Variants in UGT8 observed in about 807,000 individuals in gnomAD.
The protein encoded by UGT8 is 2-hydroxyacylsphingosine 1-beta-galactosyltransferase.
In UGT8, 12 loss-of-function variants were observed where a neutral mutation model predicts 40.5. The observed-to-expected ratio is 0.30, with a 90% CI of 0.19 to 0.48. The LOEUF (loss-of-function observed/expected upper bound fraction) is 0.48. UGT8 is among the 20% of genes least tolerant of loss of function. UGT8 has a pLI of 0.99. For synonymous variants in UGT8, 224 were observed against 240.4 expected (o/e 0.93, Z 0.63); for missense variants, 513 against 648.7 (o/e 0.79, Z 2.27).
intron 2 of UGT8, among the ~76,000 whole-genome samples, chr4:114,649,516 G>T (rs1733775150): frequency 6.6e-6 from 1 of 152,178 alleles, no homozygotes; most frequent in African/African-American, 2.4e-5. Context: ...CTGAGAATCA[G>T]TAGGGACCCA....
intron 2 of UGT8, among the ~76,000 whole-genome samples, chr4:114,633,246 G>A (rs1415718722): frequency 6.6e-6 from 1 of 152,162 alleles, no homozygotes; most frequent in African/African-American, 2.4e-5. Flanking sequence ...GTTGCTTCTA[G>A]TCTAATAGGG....
At chr4:114,675,711 G>T (rs1735588389) in intron 5 of UGT8, 1 of 218,668 alleles carries the variant, frequency 4.6e-6, no homozygotes, top group African/African-American at 3.3e-5. Flanking sequence ...CTGCACTCCA[G>T]CCTGGGCGAC....
chr4:114,670,274 A>G (rs938562342), intron 5 of UGT8, among the ~76,000 whole-genome samples: 1 of 151,886 alleles, frequency 6.6e-6, no homozygotes, highest in Non-Finnish European at 1.5e-5. Flanking sequence ...TACTAAAAAT[A>G]CAAAAAATTA....
intron 1 of UGT8, among the ~76,000 whole-genome samples, chr4:114,620,625 T>A (rs1407927015): frequency 6.6e-6 from 1 of 152,230 alleles, no homozygotes; most frequent in Non-Finnish European, 1.5e-5. Context: ...ATATTATATG[T>A]TTGTAATGTG....
At chr4:114,658,491 C>T (rs1165404846) in intron 2 of UGT8, among the ~76,000 whole-genome samples, 3 of 152,140 alleles carry the variant, frequency 2.0e-5, no homozygotes, top group African/African-American at 7.2e-5. Context: ...GGAGTGCAAA[C>T]ATGACAGCCT....
At chr4:114,666,619 G>A (rs949341987) in intron 4 of UGT8, among the ~76,000 whole-genome samples, 1 of 152,202 alleles carries the variant, frequency 6.6e-6, no homozygotes, top group African/African-American at 2.4e-5. Context: ...GAAGCAGGAA[G>A]TTTAAGTGAG....
At chr4:114,617,883 G>A (rs76135097) in intron 1 of UGT8, among the ~76,000 whole-genome samples, 3,171 of 152,242 alleles carry the variant, frequency 0.021, 58 homozygotes, top group Non-Finnish European at 0.031. Flanking sequence ...TCCAGCTCCA[G>A]GGATGTGCCA....
At chr4:114,627,065 C>T (rs929979238) in intron 2 of UGT8, among the ~76,000 whole-genome samples, 1 of 152,112 alleles carries the variant, frequency 6.6e-6, no homozygotes, top group Admixed American at 6.5e-5. Context: ...TCATCTACTA[C>T]CTGGCTGCCT....
intron 2 of UGT8, among the ~76,000 whole-genome samples, chr4:114,635,294 T>C (rs1732821159): frequency 6.6e-6 from 1 of 151,672 alleles, no homozygotes; most frequent in Non-Finnish European, 1.5e-5. Flanking sequence ...GAGGTTGCAG[T>C]GAGCTGAGAT....
intron 2 of UGT8, among the ~76,000 whole-genome samples, chr4:114,629,039 A>G (rs1399851869): frequency 6.6e-6 from 1 of 152,108 alleles, no homozygotes; most frequent in Admixed American, 6.5e-5. Flanking sequence ...TTTCACCATT[A>G]ATGAATGAAG....
At chr4:114,625,959 T>G (rs954015747) in intron 2 of UGT8, among the ~76,000 whole-genome samples, 9 of 152,236 alleles carry the variant, frequency 5.9e-5, no homozygotes, top group Non-Finnish European at 1.2e-4. Flanking sequence ...AAGTTTGCTT[T>G]GTGCCAGTTA....
intron 2 of UGT8, among the ~76,000 whole-genome samples, chr4:114,640,541 G>T (rs1733159039): frequency 6.6e-6 from 1 of 152,080 alleles, no homozygotes; most frequent in Admixed American, 6.6e-5. Flanking sequence ...TATGCTAGGA[G>T]ATCTCACCAA....
At chr4:114,639,583 C>A (rs981149726) in intron 2 of UGT8, among the ~76,000 whole-genome samples, 6 of 152,154 alleles carry the variant, frequency 3.9e-5, no homozygotes, top group Non-Finnish European at 8.8e-5. Context: ...AACAACTGAG[C>A]ATGGTGCCTT....
At chr4:114,604,083 A>G (rs1430541288) in intron 1 of UGT8, among the ~76,000 whole-genome samples, 1 of 152,172 alleles carries the variant, frequency 6.6e-6, no homozygotes, top group Non-Finnish European at 1.5e-5. Flanking sequence ...AGAGCGTTGC[A>G]GAGATGTTGG....
intron 2 of UGT8, among the ~76,000 whole-genome samples, chr4:114,650,006 A>G (rs900886114): frequency 1.3e-5 from 2 of 152,222 alleles, no homozygotes; most frequent in African/African-American, 4.8e-5. Context: ...GTTTTGGATC[A>G]GTGGGTTTTT....
chr4:114,676,641 A>ATGTG lies in UGT8; in HGVS notation c.*373_*376dup, dbSNP rs113192515. The ATGTG allele has an allele frequency of 1.1e-3, 201 of 179,206 alleles. No individual in the cohort carries two copies. The highest frequency in any genetic ancestry group is 3.6e-3 in the African/African-American group (137 of 38,464). 11.1% of individuals were successfully genotyped at this position (179,206 alleles called of 1,614,324 possible). On this transcript the variant is annotated 3_prime_UTR_variant, in exon 6 of 6. Transcript: ENST00000310836. ...TTTTCTTAATAATGTGTGTGTGTGT[A>ATGTG]TGTGTGTGTGTGTGTGTGTGTGTTT...
In UGT8 at chr4:114,623,568, A is replaced by G; in HGVS notation, c.688A>G (p.Met230Val). The G allele has an allele frequency of 1.9e-6, 3 of 1,614,084 alleles. No homozygotes were observed. The highest frequency in any genetic ancestry group is 2.5e-6 in the Non-Finnish European group (3 of 1,180,006). The change falls in exon 2 of 6, where the codon ATG (methionine) becomes GTG (valine). Residue 230 changes from methionine to valine, a missense_variant. By Grantham distance (21) the Met-to-Val change is conservative. This residue lies in a region of UGT8 where 335 missense variants were observed against 444.8 expected (regional missense o/e 0.75). Coordinates refer to ENST00000310836, the MANE Select transcript of UGT8 (RefSeq NM_001128174.3). The part of the protein sequence containing the change: ...QKYNLLPEKS[M>V]YDLVHGSSLW... ...GTACAACCTGCTGCCAGAGAAGTCCATGTATGATTTGGTTCATGGGTCCAG... is the reference window on the plus strand; with the variant it reads ...GTACAACCTGCTGCCAGAGAAGTCCGTGTATGATTTGGTTCATGGGTCCAG...
chr4:114,668,278 A>G lies in UGT8; in HGVS notation c.1236A>G (p.Ala412=), dbSNP rs1735017983. ...KTVTEKELYE[A]LVKVINNPSY... ...TTACTGAAAAAGAGCTCTATGAAGC[A>G]CTAGTGAAGGTTATCAATAATCCCA... The change falls in exon 5 of 6, where the codon GCA becomes GCG. Residue 412 remains alanine (A), a synonymous_variant. Coordinates refer to ENST00000310836, the MANE Select transcript of UGT8 (RefSeq NM_001128174.3). 6.2e-7 allele frequency: 1 copy of G among 1,613,750 alleles called. No homozygotes were observed. The highest frequency in any genetic ancestry group is 1.3e-5 in the African/African-American group (1 of 75,050).
chr4:114,663,690 C>G, intron 2 of UGT8: 1 of 985,016 alleles, frequency 1.0e-6, no homozygotes, highest in Non-Finnish European at 1.2e-6. Flanking sequence ...TCTGAACATG[C>G]ATCAGTTGTC....
Sources: allele counts gnomAD v4.1 joint callset (sites outside exome capture counted in the v4.1 genomes callset), GRCh38; gene constraint gnomAD v4.1.1; regional missense constraint gnomAD v4.1.1; transcripts MANE v1.5; gene names NCBI Gene and HGNC (gene_info 2026-07-23, HGNC 2026-07-21).